The following CCBE1 variants were observed in gnomAD, a reference collection of about 807,000 sequenced individuals.
CCBE1 encodes collagen and calcium binding EGF domains 1, also known as collagen and calcium-binding EGF domain-containing protein 1.
CCBE1 carries 37 observed loss-of-function variants against 50.0 expected under a neutral mutation model. The ratio of observed to expected loss-of-function variants is 0.74; its 90% CI spans 0.57 to 0.97. The LOEUF (loss-of-function observed/expected upper bound fraction) is 0.97. Among genes scored for constraint, CCBE1 ranks in the 50% least tolerant of loss-of-function variants. The pLI is 0.00. For missense variants in CCBE1, 538 were observed against 523.8 expected, an observed-to-expected ratio of 1.03 and a Z score of -0.26; for synonymous variants, 234 against 203.7, an observed-to-expected ratio of 1.15 and a Z score of -1.27.
chr18:59,510,006 G>A (rs995779287), intron 2 of CCBE1, among the ~76,000 whole-genome samples: 7 of 152,108 alleles, frequency 4.6e-5, no homozygotes, highest in East Asian at 1.9e-4. Context: ...AAAACATCAC[G>A]GAACCCAAAC....
chr18:59,489,551 T>C (rs1342890731), intron 2 of CCBE1, among the ~76,000 whole-genome samples: 1 of 152,108 alleles, frequency 6.6e-6, no homozygotes, highest in Non-Finnish European at 1.5e-5. Flanking sequence ...GTAGCTGGGA[T>C]TACTGGGATG....
chr18:59,678,282 A>G (rs114682246), intron 2 of CCBE1, among the ~76,000 whole-genome samples: 2 of 152,308 alleles, frequency 1.3e-5, no homozygotes, highest in African/African-American at 4.8e-5. Flanking sequence ...GTGAGGACAG[A>G]AGGACCAGGG....
chr18:59,488,064 T>C (rs965443608), intron 2 of CCBE1, among the ~76,000 whole-genome samples: 3 of 152,248 alleles, frequency 2.0e-5, no homozygotes, highest in Non-Finnish European at 2.9e-5. Flanking sequence ...GAAGACATTA[T>C]GCTAAGTGAA....
At chr18:59,616,655 A>T (rs1189246446) in intron 2 of CCBE1, among the ~76,000 whole-genome samples, 1 of 152,064 alleles carries the variant, frequency 6.6e-6, no homozygotes, top group Non-Finnish European at 1.5e-5. Flanking sequence ...TTCTCCCCCT[A>T]CAAGTCAAAA....
chr18:59,464,687 C>T (rs1911658498), intron 5 of CCBE1, among the ~76,000 whole-genome samples: 1 of 152,220 alleles, frequency 6.6e-6, no homozygotes, highest in Admixed American at 6.5e-5. Context: ...GTGACTCAGC[C>T]CAGTTGCTTG....
chr18:59,642,961 A>AC (rs1336303602), intron 2 of CCBE1, among the ~76,000 whole-genome samples: 1 of 151,822 alleles, frequency 6.6e-6, no homozygotes, highest in Non-Finnish European at 1.5e-5. Flanking sequence ...AAAAAAAAAA[A>AC]AAAAAAAAAT....
chr18:59,551,128 T>G (rs1915915418), intron 2 of CCBE1, among the ~76,000 whole-genome samples: 2 of 152,106 alleles, frequency 1.3e-5, no homozygotes, highest in Admixed American at 6.5e-5. Flanking sequence ...TTCATCATTG[T>G]GTATACATCA....
intron 2 of CCBE1, among the ~76,000 whole-genome samples, chr18:59,578,915 T>C (rs2053042234): frequency 6.6e-6 from 1 of 152,224 alleles, no homozygotes; most frequent in South Asian, 2.1e-4. Flanking sequence ...AACCTGCACA[T>C]TCTGCACATG....
At chr18:59,524,046 C>T (rs1181862374) in intron 2 of CCBE1, among the ~76,000 whole-genome samples, 1 of 152,198 alleles carries the variant, frequency 6.6e-6, no homozygotes, top group African/African-American at 2.4e-5. Flanking sequence ...TCAGGCCGGG[C>T]TTATTGTCTC....
rs1268551293 is a variant in CCBE1, at chr18:59,591,107, G to A, written c.212+105522C>T. On this transcript the variant is annotated intron_variant, in intron 2 of 10. Coordinates refer to ENST00000439986, the MANE Select transcript of CCBE1 (RefSeq NM_133459.4). ...AAAATACAAAAAAAATTAGCCGGGCGTGATGGTGGGCGCCTGTAGTCCCAG... is the reference window on the plus strand; with the variant it reads ...AAAATACAAAAAAAATTAGCCGGGCATGATGGTGGGCGCCTGTAGTCCCAG... 6.8e-5 allele frequency among the ~76,000 whole-genome samples: 6 copies of A among 88,664 alleles called. 3 individuals are homozygous for A. Among genetic ancestry groups the A allele is most frequent in the African/African-American group, 2.9e-4 (4 of 13,816 alleles). The allele number at this position is 88,664 out of a possible 152,430, so 58.2% of individuals were successfully genotyped here. A position where few individuals can be genotyped will look rare whatever the true frequency, so the allele number is the denominator to read the frequency against.
rs767453131 is a variant in CCBE1, at chr18:59,438,156, G to C, written c.952-10C>G. The C allele has an allele frequency of 1.9e-6, 3 of 1,613,974 alleles. No individual in the cohort carries two copies. The African/African-American group carries it at 4.0e-5, about 22-fold the overall frequency. ...GCGCTCCTCTCTCCCCCTAAAAACA[G>C]AAAGGCCAGGGTTAGCTTTCTAGAG... On this transcript the variant is annotated splice_polypyrimidine_tract_variant and intron_variant, in intron 9 of 10. Coordinates refer to ENST00000439986, the MANE Select transcript of CCBE1 (RefSeq NM_133459.4).
intron 2 of CCBE1, among the ~76,000 whole-genome samples, chr18:59,616,365 T>C (rs2564478): frequency 1.3e-5 from 2 of 152,022 alleles, no homozygotes; most frequent in East Asian, 3.9e-4. Context: ...TGTGATTAAC[T>C]CAAGTTCCAA....
intron 2 of CCBE1, among the ~76,000 whole-genome samples, chr18:59,665,339 G>A (rs1015587492): frequency 3.3e-5 from 5 of 152,132 alleles, no homozygotes; most frequent in African/African-American, 1.2e-4. Context: ...CTGTTCATTC[G>A]CATTAAAGGC....
intron 2 of CCBE1, among the ~76,000 whole-genome samples, chr18:59,513,049 C>T (rs1422786537): frequency 6.6e-6 from 1 of 152,190 alleles, no homozygotes; most frequent in Non-Finnish European, 1.5e-5. Context: ...AGCAGTGGCT[C>T]ATGCCTGTAA....
intron 2 of CCBE1, among the ~76,000 whole-genome samples, chr18:59,662,617 C>G (rs185106299): frequency 2.0e-4 from 30 of 152,244 alleles, no homozygotes; most frequent in African/African-American, 6.5e-4. Flanking sequence ...GTAGAAGCCA[C>G]AGGAATGCAT....
At chr18:59,618,362 T>A (rs1324081823) in intron 2 of CCBE1, among the ~76,000 whole-genome samples, 1 of 151,812 alleles carries the variant, frequency 6.6e-6, no homozygotes, top group Non-Finnish European at 1.5e-5. Flanking sequence ...ATGTAAAATG[T>A]AGAGTAGCCA....
intron 2 of CCBE1, among the ~76,000 whole-genome samples, chr18:59,659,804 C>T (rs1205105569): frequency 1.3e-5 from 2 of 152,164 alleles, no homozygotes; most frequent in African/African-American, 4.8e-5. Context: ...CAATGAGCTG[C>T]GTGATCAAAC....
At chr18:59,664,419 G>A (rs2054324722) in intron 2 of CCBE1, among the ~76,000 whole-genome samples, 1 of 152,200 alleles carries the variant, frequency 6.6e-6, no homozygotes, top group Admixed American at 6.5e-5. Flanking sequence ...AATGGGAACA[G>A]AAGAGATTGC....
chr18:59,578,514 T>C (rs1381841355), intron 2 of CCBE1, among the ~76,000 whole-genome samples: 1 of 152,184 alleles, frequency 6.6e-6, no homozygotes, highest in African/African-American at 2.4e-5. Flanking sequence ...TTACTGCGGC[T>C]CTGTTCACAA....
Sources: allele counts gnomAD v4.1 joint callset (sites outside exome capture counted in the v4.1 genomes callset), GRCh38; gene constraint gnomAD v4.1.1; transcripts MANE v1.5; gene names NCBI Gene and HGNC (gene_info 2026-07-23, HGNC 2026-07-21).